The following MYBPC1 variants were observed in gnomAD, a reference collection of about 807,000 sequenced individuals.
MYBPC1 encodes myosin binding protein C1, also known as myosin-binding protein C, slow-type.
Under a neutral mutation model 147.1 loss-of-function variants are expected in MYBPC1, and 52 were observed. That is an observed-to-expected ratio of 0.35 (90% confidence interval 0.28 to 0.45). MYBPC1 has a LOEUF of 0.45. Among genes scored for constraint, MYBPC1 ranks in the 20% least tolerant of loss-of-function variants. The pLI is 1.00. For synonymous variants in MYBPC1, 477 were observed against 475.9 expected (o/e 1.00, Z -0.03); for missense variants, 1,228 against 1,440.3 (o/e 0.85, Z 2.39).
In MYBPC1 at chr12:101,682,496, G is replaced by C. The variant is rs953938742; in HGVS notation, c.3434-108G>C. 5.0e-6 allele frequency: 5 copies of C among 1,008,890 alleles called. No individual in the cohort carries two copies. In the African/African-American group the frequency reaches 8.0e-5, roughly 16 times the overall value. 62.5% of individuals were successfully genotyped at this position (1,008,890 alleles called of 1,614,324 possible). On this transcript the variant is annotated intron_variant, in intron 29 of 31. Coordinates refer to ENST00000361466, the MANE Select transcript of MYBPC1 (RefSeq NM_002465.4). ...GTAAAGCTGAAATTGTTTATCATCAGACTGTTACTCTGATAATAGGTAACT... is the reference window on the plus strand; with the variant it reads ...GTAAAGCTGAAATTGTTTATCATCACACTGTTACTCTGATAATAGGTAACT...
chr12:101,676,739 AG>A (rs1900080627), intron 26 of MYBPC1, among the ~76,000 whole-genome samples: 1 of 149,446 alleles, frequency 6.7e-6, no homozygotes, highest in African/African-American at 2.5e-5. Flanking sequence ...TGACAGAGTG[AG>A]ATCCTGTCTC....
At chr12:101,668,090 C>T (rs1416052207) in intron 23 of MYBPC1, among the ~76,000 whole-genome samples, 191 bp downstream of exon 23, 1 of 152,098 alleles carries the variant, frequency 6.6e-6, no homozygotes, top group Admixed American at 6.6e-5. Flanking sequence ...AGATCACCTT[C>T]AGGTTTATCT....
intron 1 of MYBPC1, among the ~76,000 whole-genome samples, chr12:101,596,768 A>AC (rs200661129): frequency 2.0e-5 from 3 of 151,788 alleles, no homozygotes; most frequent in African/African-American, 4.8e-5. Context: ...TTCAGCCCCC[A>AC]CCCCCCCAAT....
At position 101,595,063 on chromosome 12, in the gene MYBPC1, T is replaced by C. The variant is rs554596807; in HGVS notation, c.-8T>C. ...AGACTCTTTAAAGAATAACATCTTA[T>C]TGTGGCCATGCCAGAACCCACTAAG... On this transcript the variant is annotated 5_prime_UTR_variant, in exon 1 of 32. Transcript: ENST00000361466. The C allele has an allele frequency of 6.2e-6, 10 of 1,612,756 alleles. No individual in the cohort carries two copies. The highest frequency in any genetic ancestry group is 3.3e-5 in the South Asian group (3 of 91,018).
In MYBPC1 at chr12:101,652,401, TG is replaced by T. The variant is rs1172396555; in HGVS notation, c.1527-276del. Among the ~76,000 whole-genome samples the T allele has an allele frequency of 2.0e-5, 3 of 152,174 alleles. No individual in the cohort carries two copies. The East Asian group carries it at 5.8e-4, about 29-fold the overall frequency. ...TTTTAGCCTTTTTAAAGCTATGAGA[TG>T]AAAAAAAAGAATAATAGACTCTGCA... On this transcript the variant is annotated intron_variant, in intron 16 of 31. Transcript: ENST00000361466.
chr12:101,682,339 A>G (rs1951061166), intron 29 of MYBPC1, among the ~76,000 whole-genome samples: 1 of 152,256 alleles, frequency 6.6e-6, no homozygotes, highest in Non-Finnish European at 1.5e-5. Flanking sequence ...TATACATGAT[A>G]TATTCTTTTT....
intron 18 of MYBPC1, among the ~76,000 whole-genome samples, chr12:101,658,544 A>C (rs1464675652): frequency 1.3e-5 from 2 of 152,190 alleles, no homozygotes; most frequent in Non-Finnish European, 2.9e-5. Context: ...GGCTTAGCTA[A>C]TGCAATAAAA....
chr12:101,650,672 A>G, intron 15 of MYBPC1: 1 of 169,840 alleles, frequency 5.9e-6, no homozygotes, highest in Non-Finnish European at 1.3e-5. Context: ...GTGAGGGCAC[A>G]GCCAAACCAC....
rs115722134 is a variant in MYBPC1 at position 101,678,883 on chromosome 12, C to T, written c.3246+645C>T. ...CTTGATCAGAAATAGGGAAGTCGTC[C>T]GGGCGCAGTGGCTCATGCCTGTAAT... On this transcript the variant is annotated intron_variant, in intron 28 of 31. Coordinates refer to ENST00000361466, the MANE Select transcript of MYBPC1 (RefSeq NM_002465.4). 9.2e-3 allele frequency among the ~76,000 whole-genome samples: 1,393 copies of T among 152,180 alleles called. 23 individuals are homozygous for T. The highest frequency in any genetic ancestry group is 0.031 in the African/African-American group (1,283 of 41,524).
At position 101,667,877 on chromosome 12, in the gene MYBPC1, C is replaced by T; in HGVS notation, c.2502C>T (p.Pro834=). 1 of 1,614,030 alleles carries T rather than the reference C, an allele frequency of 6.2e-7. No homozygotes were observed. ...GCGAGCCCAAGTACTATTCTCAGCC[C>T]ATTCTCGTGAAGGAAATCATAGGTA... ...GASEPKYYSQ[P]ILVKEIIEPP... The change falls in exon 23 of 32, where the codon CCC becomes CCT. Residue 834 remains proline, a synonymous_variant. Transcript: ENST00000361466.
At chr12:101,599,619 AT>A (rs1210057194) in intron 1 of MYBPC1, among the ~76,000 whole-genome samples, 8 of 152,214 alleles carry the variant, frequency 5.3e-5, no homozygotes, top group Non-Finnish European at 1.2e-4. Context: ...AAGTCATCTT[AT>A]ATACAAATAT....
intron 24 of MYBPC1, among the ~76,000 whole-genome samples, chr12:101,672,796 C>T (rs1389306415): frequency 6.6e-6 from 1 of 151,898 alleles, no homozygotes; most frequent in Non-Finnish European, 1.5e-5. Flanking sequence ...TGCAGTGAGC[C>T]AAGATTGTGC....
intron 18 of MYBPC1, 77 bp from the exon 19 acceptor site, chr12:101,659,595 G>A: frequency 6.7e-7 from 1 of 1,485,218 alleles, no homozygotes; most frequent in Non-Finnish European, 9.4e-7. Context: ...CTGCTGAATT[G>A]CTCAATTTAT....
chr12:101,680,192 T>C, intron 28 of MYBPC1, 151 bp from the exon 29 acceptor site: 2 of 768,466 alleles, frequency 2.6e-6, no homozygotes, highest in South Asian at 3.2e-5. Context: ...TAGAGTTTAA[T>C]GTGAGAAATA....
intron 1 of MYBPC1, among the ~76,000 whole-genome samples, chr12:101,610,092 C>G (rs1016540564): frequency 1.3e-5 from 2 of 152,188 alleles, no homozygotes; most frequent in African/African-American, 4.8e-5. Flanking sequence ...CTTGGGGGCT[C>G]TGAGACTTAC....
At chr12:101,627,941 C>G in intron 5 of MYBPC1, 137 bp downstream of exon 5, 4 of 1,033,584 alleles carry the variant, frequency 3.9e-6, no homozygotes, top group Non-Finnish European at 5.9e-6. Flanking sequence ...CATTACGTTT[C>G]CTCTTACAAG....
At chr12:101,617,310 G>T in intron 3 of MYBPC1, 67 bp downstream of exon 3, 1 of 1,500,356 alleles carries the variant, frequency 6.7e-7, no homozygotes, top group Non-Finnish European at 9.3e-7. Context: ...AGTCAGTAAT[G>T]ATTGTCATGG....
the MYBPC1 span, among the ~76,000 whole-genome samples, chr12:101,691,540 TG>T: frequency 1.3e-5 from 2 of 152,196 alleles, no homozygotes; most frequent in Non-Finnish European, 2.9e-5. Flanking sequence ...AAGGAAGATT[TG>T]AAATATGAGT....
rs756010261 is a variant in MYBPC1, at chr12:101,649,250, C to T, written c.1197-10C>T. 1.2e-6 allele frequency: 2 copies of T among 1,610,098 alleles called. No homozygotes were observed. The highest frequency in any genetic ancestry group is 1.7e-6 in the Non-Finnish European group (2 of 1,176,616). ...TTTACAAACCTTTTTAATATTTTAT[C>T]TTAATTCAGGTTTAAGAATGGTGAA... On this transcript the variant is annotated splice_polypyrimidine_tract_variant and intron_variant, in intron 14 of 31. Coordinates refer to ENST00000361466, the MANE Select transcript of MYBPC1 (RefSeq NM_002465.4).
Sources: allele counts gnomAD v4.1 joint callset (sites outside exome capture counted in the v4.1 genomes callset), GRCh38; gene constraint gnomAD v4.1.1; transcripts MANE v1.5; gene names NCBI Gene and HGNC (gene_info 2026-07-23, HGNC 2026-07-21).